The following CSMD1 variants were observed in gnomAD, a reference collection of about 807,000 sequenced individuals.
The protein encoded by CSMD1 is CUB and sushi domain-containing protein 1.
CSMD1 carries 213 observed loss-of-function variants against 417.5 expected under a neutral mutation model. The ratio of observed to expected loss-of-function variants is 0.51; its 90% confidence interval spans 0.46 to 0.57. The LOEUF is 0.57. Among genes scored for constraint, CSMD1 ranks in the 20% least tolerant of loss-of-function variants. The pLI, the probability that CSMD1 is intolerant of heterozygous loss-of-function variation, is 0.00. For missense variants in CSMD1, 6,923 were observed against 4,529.7 expected, an observed-to-expected ratio of 1.53 and a Z score of -15.17; for synonymous variants, 2,862 against 1,736.8, an observed-to-expected ratio of 1.65 and a Z score of -16.11.
chr8:3,900,564 T>G (rs922254074), intron 5 of CSMD1, among the ~76,000 whole-genome samples: 1 of 151,778 alleles, frequency 6.6e-6, no homozygotes, highest in African/African-American at 2.4e-5. Flanking sequence ...TGCAGATGGG[T>G]GATACTGTAG....
At chr8:4,790,043 A>T (rs557874142) in intron 1 of CSMD1, among the ~76,000 whole-genome samples, 1 of 152,310 alleles carries the variant, frequency 6.6e-6, no homozygotes, top group South Asian at 2.1e-4. Context: ...ATTATGTGTG[A>T]ATCTTCAGAG....
At chr8:4,783,456 G>T (rs564732671) in intron 1 of CSMD1, among the ~76,000 whole-genome samples, 4 of 152,058 alleles carry the variant, frequency 2.6e-5, no homozygotes, top group Non-Finnish European at 5.9e-5. Context: ...CTGCTGCCCT[G>T]GTCAGAACAA....
At chr8:3,473,039 C>G (rs958974348) in intron 11 of CSMD1, among the ~76,000 whole-genome samples, 6 of 152,080 alleles carry the variant, frequency 3.9e-5, no homozygotes, top group Admixed American at 1.3e-4. Flanking sequence ...TTTCATCTCC[C>G]CTAGACATTC....
intron 1 of CSMD1, among the ~76,000 whole-genome samples, chr8:4,936,242 A>G (rs1157938475): frequency 6.6e-6 from 1 of 152,218 alleles, no homozygotes; most frequent in East Asian, 1.9e-4. Context: ...GCCCACAGAT[A>G]TTATATCATC....
chr8:3,763,926 G>C (rs987715273), intron 5 of CSMD1, among the ~76,000 whole-genome samples: 2 of 152,066 alleles, frequency 1.3e-5, no homozygotes, highest in African/African-American at 4.8e-5. Flanking sequence ...ACCTCTATGG[G>C]AATCAAAAGA....
At chr8:3,386,495 T>A (rs1811012208) in intron 18 of CSMD1, among the ~76,000 whole-genome samples, 1 of 152,192 alleles carries the variant, frequency 6.6e-6, no homozygotes, top group Admixed American at 6.5e-5. Context: ...GGGTTCGTGC[T>A]TTGGTGACAA....
At chr8:4,051,316 A>AT (rs1454859313) in intron 3 of CSMD1, among the ~76,000 whole-genome samples, 1 of 151,642 alleles carries the variant, frequency 6.6e-6, no homozygotes, top group African/African-American at 2.4e-5. Context: ...CTCAAAAAAA[A>AT]AAAAAAGATA....
At chr8:4,486,432 A>G (rs949358541) in intron 2 of CSMD1, among the ~76,000 whole-genome samples, 3 of 151,170 alleles carry the variant, frequency 2.0e-5, no homozygotes, top group African/African-American at 7.3e-5. Context: ...TAATTATAAT[A>G]TAGTTGTGAA....
At chr8:4,916,870 G>C (rs983321492) in intron 1 of CSMD1, among the ~76,000 whole-genome samples, 3 of 152,174 alleles carry the variant, frequency 2.0e-5, no homozygotes, top group African/African-American at 7.2e-5. Flanking sequence ...ATGACAGAAA[G>C]GAATCCTTTG....
chr8:4,114,234 A>T (rs368334346), intron 3 of CSMD1, among the ~76,000 whole-genome samples: 1 of 152,212 alleles, frequency 6.6e-6, no homozygotes, highest in Non-Finnish European at 1.5e-5. Flanking sequence ...TGTTTGTTTA[A>T]CATTTTGAAA....
chr8:3,874,353 G>C (rs977213965), intron 5 of CSMD1, among the ~76,000 whole-genome samples: 1 of 152,168 alleles, frequency 6.6e-6, no homozygotes, highest in Non-Finnish European at 1.5e-5. Flanking sequence ...TTGAAAAATT[G>C]TCTGTATTTA....
chr8:2,949,418 A>C (rs1802471860), intron 67 of CSMD1, 32 bp from the exon 68 acceptor site: 3 of 1,284,468 alleles, frequency 2.3e-6, no homozygotes, highest in Admixed American at 1.9e-5. Flanking sequence ...AAAAGAAATA[A>C]AAAGGTATAC....
At chr8:4,453,062 A>G (rs1401091544) in intron 2 of CSMD1, among the ~76,000 whole-genome samples, 1 of 152,184 alleles carries the variant, frequency 6.6e-6, no homozygotes, top group Non-Finnish European at 1.5e-5. Flanking sequence ...TGCTAGGACC[A>G]TGAATGGTGA....
intron 49 of CSMD1, among the ~76,000 whole-genome samples, chr8:3,079,312 T>C (rs181203914): frequency 7.5e-4 from 114 of 152,338 alleles, no homozygotes; most frequent in African/African-American, 2.6e-3. Context: ...TAAAAGTGTG[T>C]GTCTATATAT....
At chr8:3,873,097 T>C (rs531872771) in intron 5 of CSMD1, among the ~76,000 whole-genome samples, 1 of 152,100 alleles carries the variant, frequency 6.6e-6, no homozygotes, top group Non-Finnish European at 1.5e-5. Flanking sequence ...ATGTATACAC[T>C]CTTGGTGGGA....
chr8:4,258,860 A>G (rs115756679), intron 3 of CSMD1, among the ~76,000 whole-genome samples: 2,178 of 152,270 alleles, frequency 0.014, 42 homozygotes, highest in African/African-American at 0.048. Context: ...AACGGCTGCA[A>G]AAGTCTCATC....
intron 7 of CSMD1, among the ~76,000 whole-genome samples, chr8:3,674,803 T>C (rs1467669494): frequency 6.6e-6 from 1 of 152,108 alleles, no homozygotes; most frequent in African/African-American, 2.4e-5. Flanking sequence ...GTGAAACCAA[T>C]TCCAAATGAG....
At chr8:4,258,112 T>C (rs947962028) in intron 3 of CSMD1, among the ~76,000 whole-genome samples, 2 of 151,080 alleles carry the variant, frequency 1.3e-5, no homozygotes, top group Non-Finnish European at 2.9e-5. Flanking sequence ...CCCGGCTATT[T>C]TTTTCTATTT....
Position 3,512,299 on chromosome 8 carries a change from G to A in CSMD1, c.1345-18573C>T, listed in dbSNP as rs115827746. On this transcript the variant is annotated intron_variant, in intron 10 of 69. Coordinates refer to ENST00000635120, the MANE Select transcript of CSMD1 (RefSeq NM_033225.6). ...GAAGCATTCTTGAAGATGCAGTGCT[G>A]AGTTTAGCAACTTATTTGTTCTATA... Among the ~76,000 whole-genome samples, 552 of 152,330 alleles carry A rather than the reference G, an allele frequency of 3.6e-3. 1 individual carries two copies. Among genetic ancestry groups the A allele is most frequent in the African/African-American group, 0.013 (534 of 41,574 alleles).
Sources: gnomAD v4.1 joint callset for allele counts (sites outside exome capture counted in the v4.1 genomes callset) on GRCh38, gnomAD v4.1.1 for gene constraint, MANE v1.5 for transcripts, NCBI Gene and HGNC (gene_info 2026-07-23, HGNC 2026-07-21) for gene names.